Variants in DHRSX observed in about 807,000 individuals in gnomAD.
The protein encoded by DHRSX is dehydrogenase/reductase X-linked.
A neutral mutation model predicts 34.0 loss-of-function variants in DHRSX; 31 were observed. That is an observed-to-expected ratio of 0.91 (90% CI 0.69 to 1.23). The LOEUF is 1.23. DHRSX is among the 50% of genes most tolerant of loss of function. The pLI is 0.00. For synonymous variants in DHRSX, 201 were observed against 183.8 expected (o/e 1.09, Z -0.76); for missense variants, 414 against 428.1 (o/e 0.97, Z 0.29).
intron 4 of DHRSX, among the ~76,000 whole-genome samples, chrX:2,282,470 G>A (rs1278463942): frequency 1.3e-5 from 2 of 149,736 alleles, no homozygotes; most frequent in African/African-American, 4.9e-5. Context: ...AGGAAAGAGA[G>A]AGAAGTGGGA....
At chrX:2,247,655 C>CAAA (rs752111695) in intron 5 of DHRSX, among the ~76,000 whole-genome samples, 23 of 96,856 alleles carry the variant, frequency 2.4e-4, no homozygotes, top group African/African-American at 8.4e-4. Flanking sequence ...CTCCGTCTCA[C>CAAA]AAAAAAAAAA....
At chrX:2,334,624 T>C (rs1490976022) in intron 3 of DHRSX, 2 of 152,150 alleles carry the variant, frequency 1.3e-5, no homozygotes, top group Admixed American at 1.3e-4. Flanking sequence ...CAGCTATTTT[T>C]GAAAAATTTT....
intron 3 of DHRSX, among the ~76,000 whole-genome samples, chrX:2,301,194 C>T (rs1311196454): frequency 6.6e-6 from 1 of 152,172 alleles, no homozygotes; most frequent in African/African-American, 2.4e-5. Flanking sequence ...CGGGCGATCA[C>T]CTGAGTTCAG....
At chrX:2,283,963 TTCAC>T (rs1266195746) in intron 4 of DHRSX, among the ~76,000 whole-genome samples, 2 of 148,312 alleles carry the variant, frequency 1.3e-5, no homozygotes, top group African/African-American at 5.2e-5. Flanking sequence ...TTCCTTTGAA[TTCAC>T]TCATTCCTTT....
intron 3 of DHRSX, among the ~76,000 whole-genome samples, chrX:2,356,328 T>A (rs1431953854): frequency 6.6e-6 from 1 of 152,112 alleles, no homozygotes; most frequent in African/African-American, 2.4e-5. Context: ...TGAGCCGTGA[T>A]CGTGCCACTG....
chrX:2,385,136 GTATGTGTATATATA>G (rs2043256978), intron 3 of DHRSX, among the ~76,000 whole-genome samples: 3 of 70,954 alleles, frequency 4.2e-5, no homozygotes, highest in Non-Finnish European at 6.0e-5. Context: ...GTGTGTGTGT[GTATGTGTATATATA>G]TGTGTGTGTG....
chrX:2,412,545 A>T (rs2124640271), intron 2 of DHRSX, among the ~76,000 whole-genome samples: 1 of 151,724 alleles, frequency 6.6e-6, no homozygotes, highest in East Asian at 1.9e-4. Context: ...AAAAATGATC[A>T]TTATGCCTAC....
At chrX:2,288,817 G>GCAA (rs2041835168) in intron 4 of DHRSX, among the ~76,000 whole-genome samples, 1 of 152,204 alleles carries the variant, frequency 6.6e-6, no homozygotes, top group Non-Finnish European at 1.5e-5. Context: ...AGACCCTTTT[G>GCAA]ATTCAAATTC....
chrX:2,328,044 C>G (rs1407439649), intron 3 of DHRSX, among the ~76,000 whole-genome samples: 12 of 147,222 alleles, frequency 8.2e-5, no homozygotes, highest in Admixed American at 2.1e-4. Flanking sequence ...CCCGCCACTG[C>G]ACTCCAGCCT....
intron 3 of DHRSX, among the ~76,000 whole-genome samples, chrX:2,355,963 G>T (rs2042845845): frequency 6.6e-6 from 1 of 151,924 alleles, no homozygotes; most frequent in African/African-American, 2.4e-5. Context: ...CTACTCGGGA[G>T]GCTAAGGCAG....
chrX:2,299,054 G>A (rs1255953350), intron 3 of DHRSX, among the ~76,000 whole-genome samples: 1 of 149,274 alleles, frequency 6.7e-6, no homozygotes, highest in Non-Finnish European at 1.5e-5. Flanking sequence ...CATTGTCTGC[G>A]ACAAATCCAG....
At chrX:2,369,455 G>A (rs992455198) in intron 3 of DHRSX, among the ~76,000 whole-genome samples, 18 of 151,836 alleles carry the variant, frequency 1.2e-4, no homozygotes, top group African/African-American at 4.1e-4. Flanking sequence ...TATTCGTGAG[G>A]GGCTAAGGGA....
chrX:2,448,273 C>A (rs1389756068), intron 1 of DHRSX, among the ~76,000 whole-genome samples: 1 of 152,112 alleles, frequency 6.6e-6, no homozygotes, highest in Non-Finnish European at 1.5e-5. Flanking sequence ...TTGGAGGCTG[C>A]AGTGAGCTAT....
intron 1 of DHRSX, among the ~76,000 whole-genome samples, chrX:2,481,837 G>A (rs370221060): frequency 3.3e-4 from 50 of 152,200 alleles, no homozygotes; most frequent in African/African-American, 1.2e-3. Flanking sequence ...ACCATGGCAG[G>A]GCTCATCCTC....
At chrX:2,287,806 C>T (rs1431291966) in intron 4 of DHRSX, among the ~76,000 whole-genome samples, 5 of 152,198 alleles carry the variant, frequency 3.3e-5, no homozygotes, top group East Asian at 1.9e-4. Flanking sequence ...ACATCCTAAT[C>T]CTCATGTGGA....
chrX:2,219,794 A>G lies in DHRSX; in HGVS notation c.*1247T>C, dbSNP rs1266083384. On this transcript the variant is annotated 3_prime_UTR_variant, in exon 7 of 7. Coordinates refer to ENST00000334651, the MANE Select transcript of DHRSX (RefSeq NM_145177.3). ...TAAGGAGTGCAGGCTCGTAGGGTAT[A>G]CACAGTACTTTCTCAAAAGCATTGC... 6.6e-6 allele frequency: 1 copy of G among 152,196 alleles called. No individual in the cohort carries two copies. Among genetic ancestry groups the G allele is most frequent in the Admixed American group, 6.5e-5 (1 of 15,272 alleles). The allele number at this position is 152,196 out of a possible 1,614,324, so 9.4% of individuals were successfully genotyped here.
chrX:2,255,705 G>A (rs1164354800), intron 5 of DHRSX, among the ~76,000 whole-genome samples: 1 of 151,776 alleles, frequency 6.6e-6, no homozygotes, highest in Non-Finnish European at 1.5e-5. Context: ...GAGGTCAGGA[G>A]TTCGAGACCA....
At chrX:2,321,522 G>T (rs1211011823) in intron 3 of DHRSX, among the ~76,000 whole-genome samples, 1 of 151,972 alleles carries the variant, frequency 6.6e-6, no homozygotes, top group African/African-American at 2.4e-5. Context: ...TCCTTATGTT[G>T]GGATTCGTGC....
At chrX:2,458,395 C>A (rs1569503422) in intron 1 of DHRSX, among the ~76,000 whole-genome samples, 1 of 152,260 alleles carries the variant, frequency 6.6e-6, no homozygotes, top group East Asian at 1.9e-4. Context: ...CTGTGCACTG[C>A]AGCACTACTA....
Sources: allele counts gnomAD v4.1 joint callset (sites outside exome capture counted in the v4.1 genomes callset), GRCh38; gene constraint gnomAD v4.1.1; transcripts MANE v1.5; gene names NCBI Gene and HGNC (gene_info 2026-07-23, HGNC 2026-07-21).